Variants in DIAPH3 observed in about 807,000 individuals in gnomAD.
The protein encoded by DIAPH3 is protein diaphanous homolog 3.
DIAPH3 carries 117 observed loss-of-function variants against 144.3 expected under a neutral mutation model. The ratio of observed to expected loss-of-function variants is 0.81; its 90% confidence interval spans 0.70 to 0.95. The LOEUF is 0.95. DIAPH3 is among the 40% of genes least tolerant of loss of function. The pLI, the probability that DIAPH3 is intolerant of heterozygous loss-of-function variation, is 0.00. For synonymous variants in DIAPH3, 519 were observed against 488.9 expected, an observed-to-expected ratio of 1.06 and a Z score of -0.81; for missense variants, 1,421 against 1,412.7, an observed-to-expected ratio of 1.01 and a Z score of -0.09.
At chr13:59,723,127 T>C (rs1593672695) in intron 27 of DIAPH3, among the ~76,000 whole-genome samples, 2 of 152,226 alleles carry the variant, frequency 1.3e-5, no homozygotes, top group East Asian at 3.9e-4. Flanking sequence ...CCACTCTGAA[T>C]GCAGATGTGT....
chr13:60,022,098 T>C (rs967625274), intron 5 of DIAPH3, among the ~76,000 whole-genome samples: 1 of 152,214 alleles, frequency 6.6e-6, no homozygotes, highest in African/African-American at 2.4e-5. Context: ...TATTTTTATC[T>C]TGAATGCTGC....
intron 23 of DIAPH3, among the ~76,000 whole-genome samples, chr13:59,833,732 C>T (rs943288848): frequency 6.6e-6 from 1 of 151,624 alleles, no homozygotes; most frequent in East Asian, 1.9e-4. Flanking sequence ...GGGCAAGTGC[C>T]TTCATGTCTC....
chr13:59,833,372 A>G lies in DIAPH3; in HGVS notation c.2863-101T>C, dbSNP rs567185546. ...TTTTAGTCTAATAGCCACCATTACT[A>G]TATTTCCAAAATTCTAAAATTACTT... On this transcript the variant is annotated intron_variant, in intron 23 of 27. Transcript: ENST00000400324. 9.1e-6 allele frequency: 8 copies of G among 877,598 alleles called. No homozygotes were observed. In the African/African-American group the frequency reaches 1.0e-4, roughly 11 times the overall value. The allele number at this position is 877,598 out of a possible 1,614,324, so 54.4% of individuals were successfully genotyped here. A position where few individuals can be genotyped will look rare whatever the true frequency, so the allele number is the denominator to read the frequency against.
At chr13:59,846,625 C>A (rs533925759) in intron 22 of DIAPH3, among the ~76,000 whole-genome samples, 1 of 151,730 alleles carries the variant, frequency 6.6e-6, no homozygotes, top group Admixed American at 6.6e-5. Context: ...AAAAAAAAAT[C>A]TTGACTATTA....
chr13:59,780,227 A>G (rs1230830988), intron 25 of DIAPH3, among the ~76,000 whole-genome samples: 1 of 152,178 alleles, frequency 6.6e-6, no homozygotes, highest in East Asian at 1.9e-4. Flanking sequence ...TATATGAGTT[A>G]CTGGAGATGT....
intron 7 of DIAPH3, among the ~76,000 whole-genome samples, 198 bp from the exon 8 acceptor site, chr13:60,010,867 A>G (rs1019424614): frequency 6.6e-6 from 1 of 152,130 alleles, no homozygotes; most frequent in South Asian, 2.1e-4. Flanking sequence ...GAACTTTGGG[A>G]GGCAGAGGCG....
At chr13:59,906,955 G>A in intron 20 of DIAPH3, among the ~76,000 whole-genome samples, 1 of 152,080 alleles carries the variant, frequency 6.6e-6, no homozygotes, top group East Asian at 1.9e-4. Flanking sequence ...ACAAATACAA[G>A]AAATGCAGTC....
intron 3 of DIAPH3, among the ~76,000 whole-genome samples, chr13:60,101,191 G>C (rs1259344373): frequency 6.6e-6 from 1 of 152,182 alleles, no homozygotes; most frequent in Admixed American, 6.5e-5. Flanking sequence ...TTATTGAGGA[G>C]AGAGCTGAGG....
intron 9 of DIAPH3, among the ~76,000 whole-genome samples, chr13:59,996,036 A>G (rs1029401170): frequency 1.3e-5 from 2 of 152,056 alleles, no homozygotes; most frequent in Non-Finnish European, 2.9e-5. Context: ...TCCTGGAAGT[A>G]TGGAAAGTGG....
intron 27 of DIAPH3, among the ~76,000 whole-genome samples, chr13:59,762,225 C>A (rs969380716): frequency 1.3e-5 from 2 of 151,882 alleles, no homozygotes; most frequent in Non-Finnish European, 2.9e-5. Flanking sequence ...CCACACCCAG[C>A]TAATTTTTTG....
At chr13:60,095,605 G>GT (rs1276893345) in intron 3 of DIAPH3, among the ~76,000 whole-genome samples, 3 of 145,232 alleles carry the variant, frequency 2.1e-5, no homozygotes, top group African/African-American at 7.5e-5. Context: ...AGTTATTGCT[G>GT]TTTTTTGTGT....
chr13:59,674,632 T>C (rs1290343726), intron 27 of DIAPH3, among the ~76,000 whole-genome samples: 1 of 152,142 alleles, frequency 6.6e-6, no homozygotes, highest in Non-Finnish European at 1.5e-5. Context: ...GGAAGAAGAC[T>C]CAAATCTGCA....
At chr13:59,891,401 T>C (rs985430428) in intron 20 of DIAPH3, among the ~76,000 whole-genome samples, 1 of 150,728 alleles carries the variant, frequency 6.6e-6, no homozygotes, top group African/African-American at 2.4e-5. Context: ...ATGGTCTAAC[T>C]AGAAAGCATC....
At chr13:60,133,601 T>C (rs989860118) in intron 1 of DIAPH3, among the ~76,000 whole-genome samples, 4 of 152,170 alleles carry the variant, frequency 2.6e-5, no homozygotes, top group African/African-American at 9.6e-5. Flanking sequence ...TTCAATTTCA[T>C]TGCTAGCTTC....
chr13:59,981,786 A>G (rs1291114954), intron 13 of DIAPH3, among the ~76,000 whole-genome samples: 2 of 151,480 alleles, frequency 1.3e-5, no homozygotes, highest in African/African-American at 2.4e-5. Flanking sequence ...TACCATTTCT[A>G]TACTAGATTA....
intron 18 of DIAPH3, among the ~76,000 whole-genome samples, chr13:59,923,264 C>T (rs2047601247): frequency 6.6e-6 from 1 of 152,122 alleles, no homozygotes; most frequent in African/African-American, 2.4e-5. Context: ...AGAATCAACA[C>T]TAGTAATTTG....
intron 17 of DIAPH3, among the ~76,000 whole-genome samples, chr13:59,938,129 A>G (rs1488509971): frequency 1.3e-5 from 2 of 152,120 alleles, no homozygotes; most frequent in African/African-American, 4.8e-5. Flanking sequence ...CTGGTCTCCA[A>G]TTGGTCTAGC....
At chr13:59,956,587 G>A (rs992564312) in intron 17 of DIAPH3, among the ~76,000 whole-genome samples, 11 of 152,364 alleles carry the variant, frequency 7.2e-5, no homozygotes, top group Admixed American at 4.6e-4. Flanking sequence ...GAGAGCCTCT[G>A]CTAGGGCAGT....
intron 4 of DIAPH3, among the ~76,000 whole-genome samples, chr13:60,083,319 T>C (rs1333384646): frequency 1.3e-5 from 2 of 152,104 alleles, no homozygotes; most frequent in Admixed American, 1.3e-4. Flanking sequence ...CAAGCATTTA[T>C]CCTAAATTTC....
Sources: allele counts gnomAD v4.1 joint callset (sites outside exome capture counted in the v4.1 genomes callset), GRCh38; gene constraint gnomAD v4.1.1; transcripts MANE v1.5; gene names NCBI Gene and HGNC (gene_info 2026-07-23, HGNC 2026-07-21).